Variants in QRFPR observed in about 807,000 individuals in gnomAD.
QRFPR encodes the protein pyroglutamylated RFamide peptide receptor.
A neutral mutation model predicts 31.3 loss-of-function variants in QRFPR; 37 were observed. The ratio of observed to expected loss-of-function variants is 1.18; its 90% confidence interval spans 0.91 to 1.56. QRFPR has a LOEUF of 1.56. Ranked by LOEUF, QRFPR falls within the 40% of genes most tolerant of loss-of-function variation. The pLI is 0.00. For missense variants in QRFPR, 542 were observed against 532.5 expected (o/e 1.02, Z -0.18); for synonymous variants, 197 against 192.0 (o/e 1.03, Z -0.22).
At chr4:121,345,670 C>A (rs1725630935) in intron 1 of QRFPR, among the ~76,000 whole-genome samples, 1 of 152,106 alleles carries the variant, frequency 6.6e-6, no homozygotes, top group South Asian at 2.1e-4. Flanking sequence ...GGATTAGGAA[C>A]AATTGCTTTG....
intron 1 of QRFPR, chr4:121,370,294 CT>C (rs2110483905): frequency 1.3e-6 from 1 of 780,270 alleles, no homozygotes; most frequent in African/African-American, 1.7e-5. Flanking sequence ...GACATCTTGC[CT>C]AGAGGCCCAC....
chr4:121,370,191 C>T, intron 1 of QRFPR: 1 of 772,000 alleles, frequency 1.3e-6, no homozygotes, highest in Non-Finnish European at 2.4e-6. Context: ...CCAAGGGATG[C>T]TGCCCATGTC....
intron 1 of QRFPR, among the ~76,000 whole-genome samples, chr4:121,373,848 A>G (rs1726299354): frequency 6.6e-6 from 1 of 152,240 alleles, no homozygotes; most frequent in Non-Finnish European, 1.5e-5. Flanking sequence ...CATGTTGTGT[A>G]CAGTGAGTGC....
At chr4:121,354,235 T>C (rs1725821224) in intron 1 of QRFPR, among the ~76,000 whole-genome samples, 1 of 152,078 alleles carries the variant, frequency 6.6e-6, no homozygotes, top group African/African-American at 2.4e-5. Context: ...GTTTTTTCTA[T>C]TTCTGTGAAG....
At chr4:121,372,025 A>G (rs1726257098) in intron 1 of QRFPR, among the ~76,000 whole-genome samples, 1 of 152,216 alleles carries the variant, frequency 6.6e-6, no homozygotes, top group Admixed American at 6.5e-5. Context: ...CAACCCTTAA[A>G]CCACGGCCAA....
chr4:121,335,443 C>A (rs183011954), intron 3 of QRFPR, among the ~76,000 whole-genome samples: 6 of 151,896 alleles, frequency 4.0e-5, no homozygotes, highest in Admixed American at 2.6e-4. Flanking sequence ...TTTGAGAAGT[C>A]CTGAAGCAAA....
chr4:121,330,095 GTCTGACT>G (rs1285562373), intron 5 of QRFPR, among the ~76,000 whole-genome samples: 4 of 152,260 alleles, frequency 2.6e-5, no homozygotes, highest in Middle Eastern at 3.4e-3. Flanking sequence ...TATACTGCAG[GTCTGACT>G]GTTCAAGTCA....
chr4:121,363,236 G>T (rs1005117469), intron 1 of QRFPR, among the ~76,000 whole-genome samples: 2 of 150,090 alleles, frequency 1.3e-5, no homozygotes, highest in African/African-American at 2.5e-5. Context: ...TGAGGCAGGA[G>T]AATCACTTGA....
chr4:121,380,247 G>T (rs1024398892), intron 1 of QRFPR, 61 bp downstream of exon 1: 20 of 1,062,932 alleles, frequency 1.9e-5, no homozygotes, highest in East Asian at 7.9e-5. Context: ...GAGAGAGAGA[G>T]ATCCCCTGAA....
chr4:121,340,473 G>A lies in QRFPR; in HGVS notation c.478C>T (p.Arg160Ter), dbSNP rs767056594. Residue 160 changes from arginine to a stop codon, truncating the protein, a stop_gained, in exon 2 of 6, where the codon CGA (arginine) becomes TGA (stop). Transcript: ENST00000394427. LOFTEE classifies it high-confidence loss of function. ...TCACCTAGCATTGTGAAAGCCCTTC[G>A]GTTGGTGTATTGCCACTTCATTTTA... ...PFKMKWQYTN[R>*]RAFTMLGVVW... 1.7e-5 allele frequency: 27 copies of A among 1,613,958 alleles called. No homozygotes were observed. The highest frequency in any genetic ancestry group is 4.5e-5 in the East Asian group (2 of 44,866).
In QRFPR at chr4:121,349,556, T is replaced by C. The variant is rs1425001239; in HGVS notation, c.341-8946A>G. On this transcript the variant is annotated intron_variant, in intron 1 of 5. Transcript: ENST00000394427. ...TCTTTTCAGAGAAGCTTGTTCTTGA[T>C]TTATGAAGTCAGTCTCATCTTAAAT... 3.9e-5 allele frequency among the ~76,000 whole-genome samples: 6 copies of C among 152,298 alleles called. No individual in the cohort carries two copies. The East Asian group carries it at 9.6e-4, about 24-fold the overall frequency.
chr4:121,367,186 G>A (rs547709288), intron 1 of QRFPR, among the ~76,000 whole-genome samples: 3 of 150,036 alleles, frequency 2.0e-5, no homozygotes, highest in Admixed American at 6.6e-5. Context: ...TAAATTACGA[G>A]ACAGAGGCAG....
chr4:121,360,188 G>C (rs1020530067), intron 1 of QRFPR, among the ~76,000 whole-genome samples: 1 of 152,130 alleles, frequency 6.6e-6, no homozygotes, highest in Non-Finnish European at 1.5e-5. Flanking sequence ...TCATATATAA[G>C]ATGATAGTGA....
At chr4:121,375,652 C>T (rs691712) in intron 1 of QRFPR, among the ~76,000 whole-genome samples, 45,950 of 152,042 alleles carry the variant, frequency 0.3, 7,176 homozygotes, top group Non-Finnish European at 0.35. Flanking sequence ...TATTTCAGAA[C>T]CATCAGCAAA....
chr4:121,332,069 G>A (rs1222032969), intron 4 of QRFPR, among the ~76,000 whole-genome samples: 1 of 152,134 alleles, frequency 6.6e-6, no homozygotes, highest in African/African-American at 2.4e-5. Context: ...GACAAGAAGG[G>A]TTTCTTTATT....
chr4:121,365,589 ATT>A (rs1491359553), intron 1 of QRFPR, among the ~76,000 whole-genome samples: 6 of 6,638 alleles, frequency 9.0e-4, no homozygotes, highest in Admixed American at 3.6e-3. Flanking sequence ...TATTATATAT[ATT>A]ATATATATAT....
intron 2 of QRFPR, among the ~76,000 whole-genome samples, chr4:121,339,918 GCA>G (rs1190412098): frequency 6.6e-6 from 1 of 151,938 alleles, no homozygotes; most frequent in Non-Finnish European, 1.5e-5. Context: ...TCACACCACT[GCA>G]CTCCAGCCTG....
intron 1 of QRFPR, among the ~76,000 whole-genome samples, chr4:121,348,837 C>T (rs567934722): frequency 3.0e-4 from 45 of 152,242 alleles, no homozygotes; most frequent in African/African-American, 1.0e-3. Flanking sequence ...ATGGCTCATG[C>T]CTATAATCCC....
At chr4:121,349,235 T>A (rs960776135) in intron 1 of QRFPR, among the ~76,000 whole-genome samples, 1 of 152,194 alleles carries the variant, frequency 6.6e-6, no homozygotes, top group South Asian at 2.1e-4. Context: ...TCCTTTTTTT[T>A]ACTCTTTTTC....
Sources: gnomAD v4.1 joint callset for allele counts (sites outside exome capture counted in the v4.1 genomes callset) on GRCh38, gnomAD v4.1.1 for gene constraint, MANE v1.5 for transcripts, NCBI Gene and HGNC (gene_info 2026-07-23, HGNC 2026-07-21) for gene names.